The following NBEAL1 variants were observed in gnomAD, a reference collection of about 807,000 sequenced individuals.
NBEAL1 encodes neurobeachin like 1.
Under a neutral mutation model 351.3 loss-of-function variants are expected in NBEAL1, and 273 were observed. The observed-to-expected ratio is 0.78, with a 90% CI of 0.70 to 0.86. NBEAL1 has a LOEUF of 0.86. Among genes scored for constraint, NBEAL1 ranks in the 40% least tolerant of loss-of-function variants. NBEAL1 has a pLI of 0.00. For synonymous variants in NBEAL1, 1,050 were observed against 1,086.4 expected (o/e 0.97, Z 0.66); for missense variants, 2,961 against 3,201.3 (o/e 0.92, Z 1.81).
rs1429937320 is a variant in NBEAL1, at chr2:203,160,293, C to G, written c.5714+2468C>G. On this transcript the variant is annotated intron_variant, in intron 36 of 55. Transcript: ENST00000683969. The stretch of plus-strand genomic sequence containing the variant: ...ACGGGATTTTGCCATGTCGGCCAGG[C>G]TGGTCTCAAACTCCTGACCTCAGGT... Among the ~76,000 whole-genome samples, 3 of 152,166 alleles carry G rather than the reference C, an allele frequency of 2.0e-5. No individual in the cohort carries two copies. The East Asian group carries it at 5.8e-4, about 29-fold the overall frequency.
At chr2:203,033,216 G>A (rs1223372351) in intron 2 of NBEAL1, among the ~76,000 whole-genome samples, 2 of 151,814 alleles carry the variant, frequency 1.3e-5, no homozygotes, top group Non-Finnish European at 2.9e-5. Context: ...TAGCCAGGAT[G>A]GTCTCGATCT....
Position 203,218,878 on chromosome 2 carries a change from G to A in NBEAL1, c.*1524G>A, listed in dbSNP as rs1038313465. On this transcript the variant is annotated 3_prime_UTR_variant, in exon 56 of 56. Transcript: ENST00000683969. ...TCTTTCCAATAAGTAAAAATCCTCTGTTTTATTAAGGAAAAAATAGCTATG... is the reference window on the plus strand; with the variant it reads ...TCTTTCCAATAAGTAAAAATCCTCTATTTTATTAAGGAAAAAATAGCTATG... 1 of 152,216 alleles carries A rather than the reference G, an allele frequency of 6.6e-6. No homozygotes were observed. The highest frequency in any genetic ancestry group is 1.5e-5 in the Non-Finnish European group (1 of 68,008). 9.4% of individuals were successfully genotyped at this position (152,216 alleles called of 1,614,324 possible). A position where few individuals can be genotyped will look rare whatever the true frequency, so the allele number is the denominator to read the frequency against.
chr2:203,023,873 A>G (rs763266548), intron 2 of NBEAL1, among the ~76,000 whole-genome samples: 1 of 152,226 alleles, frequency 6.6e-6, no homozygotes, highest in Non-Finnish European at 1.5e-5. Context: ...GCCCTGAAGA[A>G]CATTGTCATT....
intron 19 of NBEAL1, among the ~76,000 whole-genome samples, chr2:203,122,968 AG>A (rs1366428604): frequency 6.6e-6 from 1 of 152,190 alleles, no homozygotes. Flanking sequence ...AAGGTTGTTT[AG>A]GGTGAGAAAG....
At position 203,108,109 on chromosome 2, in the gene NBEAL1, A is replaced by C; in HGVS notation, c.1870A>C (p.Ser624Arg). The change falls in exon 14 of 56, where the codon AGT becomes CGT. Residue 624 changes from serine to arginine, a missense_variant. By Grantham distance (110) the Ser-to-Arg change is moderately radical. Coordinates refer to ENST00000683969, the MANE Select transcript of NBEAL1 (RefSeq NM_001378026.1). ...QKWPGSAFSFSAWFCLDQDQL... is the reference protein window; with the variant it reads ...QKWPGSAFSFRAWFCLDQDQL... Reference sequence around the variant, plus strand: ...ATGGCCAGGGTCTGCCTTTTCTTTCAGTGCTTGGTTTTGCTTAGACCAGGA... The same window carrying C: ...ATGGCCAGGGTCTGCCTTTTCTTTCCGTGCTTGGTTTTGCTTAGACCAGGA... The C allele has an allele frequency of 6.4e-7, 1 of 1,552,104 alleles. No individual in the cohort carries two copies. Among genetic ancestry groups the C allele is most frequent in the Non-Finnish European group, 8.7e-7 (1 of 1,147,104 alleles).
chr2:203,178,089 C>T (rs1315912766), intron 42 of NBEAL1, among the ~76,000 whole-genome samples: 2 of 150,946 alleles, frequency 1.3e-5, no homozygotes, highest in African/African-American at 2.4e-5. Flanking sequence ...TAGATACATA[C>T]CTAAGATAAT....
At position 203,110,237 on chromosome 2, in the gene NBEAL1, T is replaced by C. The variant is rs1451672733; in HGVS notation, c.2037T>C (p.Tyr679=). ...TGGCAGTGTGCACAAAAAGAGAATA[T>C]GCAACGGTTATGCTTCCTGACCACA... ...LVVAVCTKRE[Y]ATVMLPDHSF... is the part of the protein sequence containing the mutation. The change falls in exon 15 of 56, where the codon TAT becomes TAC. Residue 679 remains tyrosine, a synonymous_variant. Coordinates refer to ENST00000683969, the MANE Select transcript of NBEAL1 (RefSeq NM_001378026.1). 1.9e-6 allele frequency: 3 copies of C among 1,553,182 alleles called. No individual in the cohort carries two copies. Among genetic ancestry groups the C allele is most frequent in the Non-Finnish European group, 8.7e-7 (1 of 1,147,308 alleles).
chr2:203,040,750 C>A, intron 2 of NBEAL1: 2 of 572,126 alleles, frequency 3.5e-6, no homozygotes, highest in Admixed American at 1.9e-5. Context: ...TTTGGTGACC[C>A]ATCATGCTCA....
At chr2:203,077,674 C>A (rs971466862) in intron 7 of NBEAL1, 78 bp from the exon 8 acceptor site, 82 of 818,614 alleles carry the variant, frequency 1.0e-4, no homozygotes, top group Non-Finnish European at 1.3e-4. Flanking sequence ...TTCGTGTTTG[C>A]ATCAGACATT....
rs139827335 is a variant in NBEAL1 at position 203,119,373 on chromosome 2, C to T, written c.2593-2881C>T. On this transcript the variant is annotated intron_variant, in intron 18 of 55. Coordinates refer to ENST00000683969, the MANE Select transcript of NBEAL1 (RefSeq NM_001378026.1). Reference sequence around the variant, plus strand: ...GGCTCAAGTGATCCACCCACTTAGGCCTTGCAAAGTGCTAAGATTACAGGC... The same window carrying T: ...GGCTCAAGTGATCCACCCACTTAGGTCTTGCAAAGTGCTAAGATTACAGGC... 7.5e-5 allele frequency among the ~76,000 whole-genome samples: 11 copies of T among 147,310 alleles called. No individual in the cohort carries two copies. In the Admixed American group the frequency reaches 7.6e-4, roughly 10 times the overall value.
intron 35 of NBEAL1, among the ~76,000 whole-genome samples, chr2:203,154,678 T>G (rs2063751550): frequency 1.3e-5 from 2 of 152,176 alleles, no homozygotes; most frequent in African/African-American, 4.8e-5. Context: ...CACACCCACT[T>G]GTAAATTAGG....
chr2:203,030,208 A>G (rs2060928013), intron 2 of NBEAL1, among the ~76,000 whole-genome samples: 2 of 152,350 alleles, frequency 1.3e-5, no homozygotes, highest in Non-Finnish European at 2.9e-5. Flanking sequence ...ATTACTAGAA[A>G]TTCTGGATAA....
At chr2:203,061,828 C>A in intron 6 of NBEAL1, 1 of 168,968 alleles carries the variant, frequency 5.9e-6, no homozygotes, top group Non-Finnish European at 1.3e-5. Flanking sequence ...GTTGTTTTCT[C>A]CAGTGTGAGT....
intron 40 of NBEAL1, 94 bp downstream of exon 40, chr2:203,172,117 A>G: frequency 1.8e-6 from 1 of 561,298 alleles, no homozygotes; most frequent in Non-Finnish European, 2.8e-6. Context: ...TATTTAAAAA[A>G]TATAAAAACA....
At chr2:203,166,704 G>A (rs1470621899) in intron 37 of NBEAL1, among the ~76,000 whole-genome samples, 2 of 151,668 alleles carry the variant, frequency 1.3e-5, no homozygotes, top group Non-Finnish European at 2.9e-5. Context: ...GTGCCACCAC[G>A]CCCAGCTAAT....
Position 203,180,525 on chromosome 2 carries a change from G to A in NBEAL1, c.6595+13G>A, listed in dbSNP as rs1401684684. 6.3e-6 allele frequency: 10 copies of A among 1,595,006 alleles called. No homozygotes were observed. Among genetic ancestry groups the A allele is most frequent in the Non-Finnish European group, 6.8e-6 (8 of 1,172,578 alleles). On this transcript the variant is annotated intron_variant, in intron 43 of 55. Transcript: ENST00000683969. Reference sequence around the variant, plus strand: ...GAAAATCAAAATCGTAAGAAATAGAGGATTAAAAATTTGACTAGCAGGTCC... The same window carrying A: ...GAAAATCAAAATCGTAAGAAATAGAAGATTAAAAATTTGACTAGCAGGTCC...
At chr2:203,116,808 G>GC (rs1491389379) in intron 18 of NBEAL1, among the ~76,000 whole-genome samples, 1 of 134,012 alleles carries the variant, frequency 7.5e-6, no homozygotes, top group African/African-American at 2.9e-5. Context: ...AAAAAAAAAA[G>GC]GGGGGGGCCC....
At chr2:203,102,396 A>C (rs2062345575) in intron 12 of NBEAL1, among the ~76,000 whole-genome samples, 2 of 152,176 alleles carry the variant, frequency 1.3e-5, no homozygotes, top group African/African-American at 2.4e-5. Context: ...CTGGCTTTCA[A>C]GGGGAATGCT....
intron 36 of NBEAL1, among the ~76,000 whole-genome samples, chr2:203,163,167 T>C (rs947217459): frequency 1.3e-5 from 2 of 152,046 alleles, no homozygotes; most frequent in African/African-American, 4.8e-5. Context: ...AAAAAAGAAA[T>C]AAACAGATAA....
Sources: allele counts gnomAD v4.1 joint callset (sites outside exome capture counted in the v4.1 genomes callset), GRCh38; gene constraint gnomAD v4.1.1; transcripts MANE v1.5; gene names NCBI Gene and HGNC (gene_info 2026-07-23, HGNC 2026-07-21).